The following EIF3H variants were observed in gnomAD, a reference collection of about 807,000 sequenced individuals.
EIF3H encodes eIF-3-gamma.
Under a neutral mutation model 44.2 loss-of-function variants are expected in EIF3H, and 26 were observed. That is an observed-to-expected ratio of 0.59 (90% CI 0.43 to 0.82). The LOEUF is 0.82. EIF3H is among the 40% of genes least tolerant of loss of function. The probability of loss-of-function intolerance (pLI) is 0.00; values close to 1 mark genes in which losing one functional copy is unlikely to be tolerated. For synonymous variants in EIF3H, 166 were observed against 151.9 expected (o/e 1.09, Z -0.68); for missense variants, 359 against 432.8 (o/e 0.83, Z 1.51).
intron 1 of EIF3H, among the ~76,000 whole-genome samples, chr8:116,753,659 A>G (rs1815395336): frequency 6.6e-6 from 1 of 152,244 alleles, no homozygotes; most frequent in Non-Finnish European, 1.5e-5. Flanking sequence ...CACCCTTGTG[A>G]AACCTGAAGT....
intron 1 of EIF3H, among the ~76,000 whole-genome samples, chr8:116,744,996 C>A (rs1200298003): frequency 6.6e-6 from 1 of 152,180 alleles, no homozygotes; most frequent in African/African-American, 2.4e-5. Context: ...CCTGGAGTTG[C>A]TCAGCCAAAC....
chr8:116,715,632 TATATC>T (rs1814649356), intron 2 of EIF3H, among the ~76,000 whole-genome samples: 1 of 152,106 alleles, frequency 6.6e-6, no homozygotes, highest in African/African-American at 2.4e-5. Context: ...GTAAGCTTCC[TATATC>T]ACCTGAAATA....
chr8:116,747,221 C>A (rs764993632), intron 1 of EIF3H, among the ~76,000 whole-genome samples: 1 of 152,136 alleles, frequency 6.6e-6, no homozygotes, highest in Non-Finnish European at 1.5e-5. Context: ...CGCCATCATG[C>A]CCGGCTAATT....
intron 1 of EIF3H, among the ~76,000 whole-genome samples, chr8:116,762,546 C>T (rs867409621): frequency 2.7e-4 from 41 of 152,216 alleles, no homozygotes; most frequent in African/African-American, 9.2e-4. Context: ...AAGTTGACTT[C>T]CTTTAAGCCG....
chr8:116,698,738 T>A (rs1370356010), intron 2 of EIF3H, among the ~76,000 whole-genome samples: 2 of 152,236 alleles, frequency 1.3e-5, no homozygotes, highest in Non-Finnish European at 2.9e-5. Context: ...TTTCTGCAAC[T>A]TAATGTTGCC....
intron 2 of EIF3H, among the ~76,000 whole-genome samples, chr8:116,717,166 A>AT (rs1218853550): frequency 6.6e-6 from 1 of 152,132 alleles, no homozygotes; most frequent in Non-Finnish European, 1.5e-5. Flanking sequence ...TTTAATGCCC[A>AT]TTAATATAGA....
chr8:116,716,213 A>T (rs1814657336), intron 2 of EIF3H, among the ~76,000 whole-genome samples: 2 of 152,102 alleles, frequency 1.3e-5, no homozygotes, highest in Admixed American at 1.3e-4. Context: ...GTCAGAAAAA[A>T]TTGGTTCAGA....
chr8:116,680,975 A>T (rs1310483182), intron 2 of EIF3H, among the ~76,000 whole-genome samples: 1 of 87,366 alleles, frequency 1.1e-5, no homozygotes, highest in African/African-American at 5.2e-5. Context: ...TTATAAATTA[A>T]AAAAAAAAAA....
chr8:116,680,220 G>A (rs1413182704), intron 2 of EIF3H, among the ~76,000 whole-genome samples: 732 of 23,856 alleles, frequency 0.031, 68 homozygotes, highest in South Asian at 0.083. Flanking sequence ...TCAGCCCCCC[G>A]CCCGGCCAGC....
chr8:116,726,230 T>C (rs1814835883), intron 1 of EIF3H, 58 bp from the exon 2 acceptor site: 2 of 1,514,692 alleles, frequency 1.3e-6, no homozygotes, highest in African/African-American at 1.4e-5. Context: ...TTATTTCCTT[T>C]ATTTCTAAGA....
intron 2 of EIF3H, among the ~76,000 whole-genome samples, chr8:116,712,153 G>C (rs926503595): frequency 6.6e-6 from 1 of 152,164 alleles, no homozygotes. Flanking sequence ...GAGGATAACA[G>C]CATGCCACAA....
At chr8:116,734,181 T>C (rs1814995206) in intron 1 of EIF3H, 2 of 440,954 alleles carry the variant, frequency 4.5e-6, no homozygotes, top group Non-Finnish European at 9.0e-6. Flanking sequence ...GCCACTATTC[T>C]AGAATGACAA....
chr8:116,677,792 A>G, intron 2 of EIF3H, among the ~76,000 whole-genome samples: 1 of 152,234 alleles, frequency 6.6e-6, no homozygotes, highest in Non-Finnish European at 1.5e-5. Flanking sequence ...TAAAATGTTT[A>G]TGTCCTGTGA....
In EIF3H at chr8:116,643,634, T is replaced by C. The variant is rs528475183; in HGVS notation, c.*1372A>G. On this transcript the variant is annotated 3_prime_UTR_variant, in exon 8 of 8. Transcript: ENST00000521861. ...TGCTCTCATTTCTTATCTTATCTGG[T>C]TGACAAAAAGTGAGGCACAGGGAGG... is the stretch of plus-strand genomic sequence containing the variant. 2.0e-5 allele frequency: 3 copies of C among 152,336 alleles called. No individual in the cohort carries two copies. Among genetic ancestry groups the C allele is most frequent in the East Asian group, 1.9e-4 (1 of 5,182 alleles). 9.4% of individuals were successfully genotyped at this position (152,336 alleles called of 1,614,324 possible).
intron 6 of EIF3H, among the ~76,000 whole-genome samples, chr8:116,647,187 C>T (rs910728768): frequency 2.0e-5 from 3 of 151,974 alleles, no homozygotes; most frequent in East Asian, 3.9e-4. Flanking sequence ...TCCGCCTCCC[C>T]GCCTCCCCAG....
chr8:116,686,455 T>C (rs766600341), intron 2 of EIF3H, among the ~76,000 whole-genome samples: 5 of 151,630 alleles, frequency 3.3e-5, no homozygotes, highest in Admixed American at 2.0e-4. Flanking sequence ...AATAAAAAGG[T>C]TGTGGAAAGA....
At chr8:116,656,577 G>A (rs1813494174) in intron 4 of EIF3H, among the ~76,000 whole-genome samples, 1 of 152,228 alleles carries the variant, frequency 6.6e-6, no homozygotes, top group African/African-American at 2.4e-5. Context: ...CTTTTTAGGA[G>A]CCAAATGGGA....
intron 5 of EIF3H, among the ~76,000 whole-genome samples, chr8:116,649,206 TG>T (rs1236687602): frequency 2.0e-5 from 3 of 152,226 alleles, no homozygotes; most frequent in African/African-American, 7.2e-5. Context: ...ACATACCTAG[TG>T]AGACATCTAT....
At chr8:116,660,041 C>T (rs980496104) in intron 2 of EIF3H, among the ~76,000 whole-genome samples, 2 of 152,004 alleles carry the variant, frequency 1.3e-5, no homozygotes, top group African/African-American at 2.4e-5. Flanking sequence ...TGTGAACCAC[C>T]GCACCCGGCT....
Sources: allele counts gnomAD v4.1 joint callset (sites outside exome capture counted in the v4.1 genomes callset), GRCh38; gene constraint gnomAD v4.1.1; transcripts MANE v1.5; gene names NCBI Gene and HGNC (gene_info 2026-07-23, HGNC 2026-07-21).